Variants in ADGRB3 observed in about 807,000 individuals in gnomAD.
The protein encoded by ADGRB3 is brain-specific angiogenesis inhibitor 3.
Under a neutral mutation model 193.4 loss-of-function variants are expected in ADGRB3, and 37 were observed. That is an observed-to-expected ratio of 0.19 (90% confidence interval 0.15 to 0.25). ADGRB3 has a LOEUF of 0.25. Ranked by LOEUF, ADGRB3 falls within the 10% of genes least tolerant of loss-of-function variation. The pLI is 1.00. For missense variants in ADGRB3, 1,637 were observed against 1,852.9 expected (o/e 0.88, Z 2.14); for synonymous variants, 690 against 644.2 (o/e 1.07, Z -1.08).
Position 68,830,863 on chromosome 6 carries a change from A to C in ADGRB3, c.758-99696A>C, listed in dbSNP as rs187899896. ...GACAGTGCTAAAATCATGGTCTGCCACCTAATTTCGAAGTTTTGGGAAAAC... is the reference window on the plus strand; with the variant it reads ...GACAGTGCTAAAATCATGGTCTGCCCCCTAATTTCGAAGTTTTGGGAAAAC... On this transcript the variant is annotated intron_variant, in intron 3 of 31. Transcript: ENST00000370598. 3.6e-3 allele frequency among the ~76,000 whole-genome samples: 550 copies of C among 151,818 alleles called. 2 individuals carry two copies. The highest frequency in any genetic ancestry group is 4.4e-3 in the Non-Finnish European group (302 of 67,976).
At chr6:69,064,150 A>G (rs1030524060) in intron 16 of ADGRB3, among the ~76,000 whole-genome samples, 14 of 152,014 alleles carry the variant, frequency 9.2e-5, no homozygotes, top group Middle Eastern at 3.2e-3. Flanking sequence ...AGTTTTATAG[A>G]AAAATGATAA....
intron 17 of ADGRB3, among the ~76,000 whole-genome samples, chr6:69,122,373 C>T (rs777919465): frequency 2.0e-4 from 30 of 149,186 alleles, no homozygotes; most frequent in Non-Finnish European, 4.1e-4. Context: ...CACGGGAGCC[C>T]GGGGCAGGGA....
rs1768066599 is a variant in ADGRB3, at chr6:68,956,195, C to T, written c.1360+7C>T. The T allele has an allele frequency of 2.5e-6, 4 of 1,597,492 alleles. No homozygotes were observed. Among genetic ancestry groups the T allele is most frequent in the African/African-American group, 1.3e-5 (1 of 74,492 alleles). ...TATAACCCTGAATGTACAGGTAGGG[C>T]TTGATTCCTGCATATCATGGGCACT... On this transcript the variant is annotated splice_region_variant and intron_variant, in intron 7 of 31. Transcript: ENST00000370598.
chr6:69,227,627 T>G (rs1045624739), intron 17 of ADGRB3, among the ~76,000 whole-genome samples: 1 of 152,234 alleles, frequency 6.6e-6, no homozygotes, highest in African/African-American at 2.4e-5. Context: ...TATAGTCATC[T>G]GTCAGCTTCT....
intron 4 of ADGRB3, among the ~76,000 whole-genome samples, chr6:68,931,027 G>A (rs1767322747): frequency 6.6e-6 from 1 of 151,752 alleles, no homozygotes; most frequent in Non-Finnish European, 1.5e-5. Context: ...AATGACTCTA[G>A]ACAATGAAAT....
intron 8 of ADGRB3, among the ~76,000 whole-genome samples, chr6:68,960,567 T>C (rs1768204139): frequency 6.6e-6 from 1 of 152,186 alleles, no homozygotes; most frequent in South Asian, 2.1e-4. Context: ...ATAAGGTTGC[T>C]CTCCAACAGG....
chr6:68,704,846 C>T (rs1215202723), intron 3 of ADGRB3, among the ~76,000 whole-genome samples: 1 of 152,140 alleles, frequency 6.6e-6, no homozygotes, highest in Non-Finnish European at 1.5e-5. Context: ...AACAAACAGT[C>T]TTTGAAAGCT....
chr6:68,805,860 A>T (rs1272576338), intron 3 of ADGRB3, among the ~76,000 whole-genome samples: 2 of 152,184 alleles, frequency 1.3e-5, no homozygotes, highest in Non-Finnish European at 2.9e-5. Context: ...TTGCAAATAA[A>T]TGTTTAATAT....
intron 3 of ADGRB3, among the ~76,000 whole-genome samples, chr6:68,800,385 T>C (rs1767288976): frequency 6.6e-6 from 1 of 152,122 alleles, no homozygotes; most frequent in African/African-American, 2.4e-5. Flanking sequence ...CTGTCAGATG[T>C]GTGTTTGACT....
chr6:69,355,653 A>G (rs1159880541), intron 27 of ADGRB3, among the ~76,000 whole-genome samples, 168 bp from the exon 28 acceptor site: 3 of 152,142 alleles, frequency 2.0e-5, no homozygotes, highest in African/African-American at 7.2e-5. Flanking sequence ...GCTCTAGAAA[A>G]CACTGTTGAA....
intron 13 of ADGRB3, among the ~76,000 whole-genome samples, chr6:69,025,027 G>A (rs981849538): frequency 6.6e-6 from 1 of 151,470 alleles, no homozygotes; most frequent in Non-Finnish European, 1.5e-5. Flanking sequence ...GGCAGGCTGA[G>A]CTTGCAGTGA....
chr6:69,104,174 T>C (rs1773144825), intron 17 of ADGRB3, among the ~76,000 whole-genome samples: 1 of 148,238 alleles, frequency 6.7e-6, no homozygotes, highest in Non-Finnish European at 1.5e-5. Flanking sequence ...CTCCCAATGC[T>C]ATCCCTCCCC....
rs752546238 is a variant in ADGRB3, at chr6:69,327,926, T to G, written c.3035+37T>G. ...CACAGAGATAAATCATGTTTATAAT[T>G]TAACAAATCATCAAAGAGTCTTGGT... On this transcript the variant is annotated intron_variant, in intron 22 of 31. Transcript: ENST00000370598. 34 of 1,546,206 alleles carry G rather than the reference T, an allele frequency of 2.2e-5. No homozygotes were observed. The South Asian group carries it at 3.9e-4, about 18-fold the overall frequency.
At chr6:68,658,348 T>C (rs1196352403) in intron 3 of ADGRB3, among the ~76,000 whole-genome samples, 2 of 151,438 alleles carry the variant, frequency 1.3e-5, no homozygotes, top group East Asian at 1.9e-4. Flanking sequence ...TTTGTAACTA[T>C]AGGACGTTTC....
chr6:68,907,415 C>A (rs1764305981), intron 3 of ADGRB3, among the ~76,000 whole-genome samples: 1 of 151,710 alleles, frequency 6.6e-6, no homozygotes, highest in South Asian at 2.1e-4. Flanking sequence ...ACTTCCAAAC[C>A]AGTGTGAAAG....
rs192285900 is a variant in ADGRB3 at position 68,804,462 on chromosome 6, A to T, written c.758-126097A>T. 6.8e-3 allele frequency among the ~76,000 whole-genome samples: 1,039 copies of T among 152,204 alleles called. 16 individuals are homozygous for T. Among genetic ancestry groups the T allele is most frequent in the African/African-American group, 0.022 (914 of 41,534 alleles). Reference sequence around the variant, plus strand: ...GCAATGCATTAGAAGTATTTTTTTTAAAAATTCTCTATTTCTTATTACACT... The same window carrying T: ...GCAATGCATTAGAAGTATTTTTTTTTAAAATTCTCTATTTCTTATTACACT... On this transcript the variant is annotated intron_variant, in intron 3 of 31. Coordinates refer to ENST00000370598, the MANE Select transcript of ADGRB3 (RefSeq NM_001704.3).
intron 3 of ADGRB3, among the ~76,000 whole-genome samples, chr6:68,749,428 G>A (rs1766150767): frequency 6.6e-6 from 1 of 151,370 alleles, no homozygotes. Context: ...GTGTGTGTGT[G>A]TGTGTGTGTG....
intron 3 of ADGRB3, among the ~76,000 whole-genome samples, chr6:68,665,483 A>G (rs1168967106): frequency 6.6e-6 from 1 of 151,852 alleles, no homozygotes; most frequent in African/African-American, 2.4e-5. Context: ...GTATTTTGGT[A>G]TAACTTGAAT....
At chr6:68,761,789 T>C (rs1482510616) in intron 3 of ADGRB3, among the ~76,000 whole-genome samples, 1 of 144,322 alleles carries the variant, frequency 6.9e-6, no homozygotes, top group Non-Finnish European at 1.5e-5. Context: ...TTTCTACTCA[T>C]CATTACACTG....
Sources: allele counts gnomAD v4.1 joint callset (sites outside exome capture counted in the v4.1 genomes callset), GRCh38; gene constraint gnomAD v4.1.1; transcripts MANE v1.5; gene names NCBI Gene and HGNC (gene_info 2026-07-23, HGNC 2026-07-21).